The following FBXL6 variants were observed in gnomAD, a reference collection of about 807,000 sequenced individuals.
The protein encoded by FBXL6 is F-box/LRR-repeat protein 6.
FBXL6 carries 50 observed loss-of-function variants against 53.3 expected under a neutral mutation model. The ratio of observed to expected loss-of-function variants is 0.94; its 90% CI spans 0.75 to 1.19. The LOEUF is 1.19. FBXL6 is among the 50% of genes most tolerant of loss of function. The pLI is 0.00. For missense variants in FBXL6, 815 were observed against 719.0 expected (o/e 1.13, Z -1.53); for synonymous variants, 405 against 322.9 (o/e 1.25, Z -2.73).
rs782173457 is a variant in FBXL6, at chr8:144,357,020, C to G, written c.741G>C (p.Gln247His). 2.5e-6 allele frequency: 4 copies of G among 1,613,026 alleles called. No homozygotes were observed. In the Admixed American group the frequency reaches 6.7e-5, roughly 27 times the overall value. The change falls in exon 4 of 9, where the codon CAG (glutamine) becomes CAC (histidine). Residue 247 changes from glutamine to histidine, a missense_variant. Gln to His is a conservative substitution (Grantham distance 24). Transcript: ENST00000331890. ...ALVMLAKACCQLHSLDLQHSM... is the reference protein window; with the variant it reads ...ALVMLAKACCHLHSLDLQHSM... The stretch of plus-strand genomic sequence containing the variant: ...AGTGCTGTAGGTCCAGGCTATGGAG[C>G]TGGCAGCAGGCTTTGGCTAGCATGA...
Position 144,355,654 on chromosome 8 carries a change from G to GC in FBXL6, c.1496dup (p.Leu500ProfsTer74), listed in dbSNP as rs782075279. 2 of 1,610,902 alleles carry GC rather than the reference G, an allele frequency of 1.2e-6. No homozygotes were observed. The highest frequency in any genetic ancestry group is 4.5e-5 in the East Asian group (2 of 44,874). ...AGGACTCCAGGTTGAGGTAGAGCAG[G>GC]CCCGGGCAGCCGCTGATCACAGAGC... On this transcript the variant is annotated frameshift_variant, in exon 9 of 9. Coordinates refer to ENST00000331890, the MANE Select transcript of FBXL6 (RefSeq NM_012162.4). LOFTEE classifies it high-confidence loss of function.
Position 144,356,486 on chromosome 8 carries a change from G to T in FBXL6, c.1039C>A (p.Arg347=), listed in dbSNP as rs782195022. The change falls in exon 7 of 9, where the codon CGA becomes AGA. Residue 347 remains arginine, a synonymous_variant. Transcript: ENST00000331890. ...NLMWLPKPPG[R]GVAPGPGFPS... is the part of the protein sequence containing the mutation. ...AAGCCTGGTCCGGGAGCCACCCCTC[G>T]TCCCGGAGGCTTGGGCAGCCACATC... 1 of 1,612,920 alleles carries T rather than the reference G, an allele frequency of 6.2e-7. No individual in the cohort carries two copies. The highest frequency in any genetic ancestry group is 8.5e-7 in the Non-Finnish European group (1 of 1,180,016).
intron 6 of FBXL6, 27 bp from the exon 7 acceptor site, chr8:144,356,558 G>A (rs782044521): frequency 6.2e-7 from 1 of 1,612,546 alleles, no homozygotes; most frequent in Non-Finnish European, 8.5e-7. Context: ...GGCTGTAGAT[G>A]GGGGAGGGTG....
At position 144,357,094 on chromosome 8, in the gene FBXL6, T is replaced by G; in HGVS notation, c.667A>C (p.Thr223Pro). ...KLVGECCPRL[T>P]FLKLSGCHGV... The stretch of plus-strand genomic sequence containing the variant: ...TGGCAGCCGGAGAGCTTGAGGAAAG[T>G]GAGCCGAGGACAGCACTCACCTACC... The change falls in exon 4 of 9, where the codon ACT becomes CCT. Residue 223 changes from threonine to proline, a missense_variant. Thr to Pro is a conservative substitution (Grantham distance 38). Transcript: ENST00000331890. The G allele has an allele frequency of 1.2e-6, 2 of 1,612,798 alleles. No individual in the cohort carries two copies. Among genetic ancestry groups the G allele is most frequent in the South Asian group, 2.2e-5 (2 of 91,084 alleles).
At position 144,355,543 on chromosome 8, in the gene FBXL6, G is replaced by T. The variant is rs151061162; in HGVS notation, c.1608C>A (p.Pro536=). The T allele has an allele frequency of 4.2e-5, 67 of 1,609,640 alleles. No homozygotes were observed. In the African/African-American group the frequency reaches 8.4e-4, roughly 20 times the overall value. Residue 536 remains proline (P), a synonymous_variant, in exon 9 of 9, where the codon CCC becomes CCA. Transcript: ENST00000331890. ...QWCLEQLLTS[P]SPS ...GGTCTGTGGCTGCCTAGCTGGGTGA[G>T]GGGCTGGTGAGCAGCTGCTCCAGAC... is the stretch of plus-strand genomic sequence containing the variant.
rs1564650729 is a variant in FBXL6, at chr8:144,357,673, G to A, written c.530C>T (p.Ala177Val). 6.2e-7 allele frequency: 1 copy of A among 1,610,966 alleles called. No homozygotes were observed. Among genetic ancestry groups the A allele is most frequent in the Non-Finnish European group, 8.5e-7 (1 of 1,178,818 alleles). Residue 177 changes from alanine to valine, a missense_variant, in exon 2 of 9, where the codon GCG (alanine) becomes GTG (valine). By Grantham distance (64) the Ala-to-Val change is moderately conservative. Transcript: ENST00000331890. ...CAGGGAAGCAAGGAGCTTCTTCTCC[G>A]CCTTGACCCCGCCCTTGGCAGGCCG... ...VGRPAKGGVK[A>V]EKKLLASLEW...
chr8:144,357,894 G>C, intron 1 of FBXL6, 108 bp from the exon 2 acceptor site: 1 of 1,438,074 alleles, frequency 7.0e-7, no homozygotes, highest in Middle Eastern at 2.3e-4. Context: ...ACTCCAACTG[G>C]GCGCCTAAGG....
At chr8:144,357,172 C>A (rs368173186) in intron 3 of FBXL6, 51 bp from the exon 4 acceptor site, 1 of 1,608,484 alleles carries the variant, frequency 6.2e-7, no homozygotes, top group Non-Finnish European at 8.5e-7. Flanking sequence ...AGGCTAAGAT[C>A]CACAAGGGAA....
At chr8:144,356,566 G>T (rs1300451820) in intron 6 of FBXL6, 34 bp downstream of exon 6, 1 of 1,612,386 alleles carries the variant, frequency 6.2e-7, no homozygotes, top group Non-Finnish European at 8.5e-7. Flanking sequence ...ATGGGGGAGG[G>T]TGTGACAGGT....
rs1818480972 is a variant in FBXL6, at chr8:144,357,021, T to C, written c.740A>G (p.Gln247Arg). ...ALVMLAKACC[Q>R]LHSLDLQHSM... is the part of the protein sequence containing the mutation. The stretch of plus-strand genomic sequence containing the variant: ...GTGCTGTAGGTCCAGGCTATGGAGC[T>C]GGCAGCAGGCTTTGGCTAGCATGAC... The change falls in exon 4 of 9, where the codon CAG (glutamine) becomes CGG (arginine). Residue 247 changes from glutamine (Q) to arginine (R), a missense_variant. Gln to Arg is a conservative substitution (Grantham distance 43). Coordinates refer to ENST00000331890, the MANE Select transcript of FBXL6 (RefSeq NM_012162.4). 1 of 1,612,998 alleles carries C rather than the reference T, an allele frequency of 6.2e-7. No homozygotes were observed. The highest frequency in any genetic ancestry group is 1.3e-5 in the African/African-American group (1 of 75,048).
At position 144,355,611 on chromosome 8, in the gene FBXL6, C is replaced by A; in HGVS notation, c.1540G>T (p.Gly514Cys). Reference sequence around the variant, plus strand: ...AGGCCCCGGTAGGCCCGCTTCAGACCCCGGGGAAGGCAGCGGCAGGACTCC... The same window carrying A: ...AGGCCCCGGTAGGCCCGCTTCAGACACCGGGGAAGGCAGCGGCAGGACTCC... ...NLESCRCLPR[G>C]LKRAYRGLEE... The change falls in exon 9 of 9, where the codon GGT (glycine) becomes TGT (cysteine). Residue 514 changes from glycine to cysteine, a missense_variant. By Grantham distance (159) the Gly-to-Cys change is radical. Transcript: ENST00000331890. The A allele has an allele frequency of 1.2e-6, 2 of 1,611,312 alleles. No individual in the cohort carries two copies. Among genetic ancestry groups the A allele is most frequent in the South Asian group, 2.2e-5 (2 of 91,012 alleles).
Position 144,358,379 on chromosome 8 carries a change from C to T in FBXL6, c.69G>A (p.Glu23=), listed in dbSNP as rs782098443. The part of the protein sequence containing the change: ...ARAAPRPRSA[E]DWWWDRLAPR... Reference sequence around the variant, plus strand: ...GCGCCAGCCGGTCCCACCACCAGTCCTCGGCCGAGCGGGGCCGCGGCGCTG... The same window carrying T: ...GCGCCAGCCGGTCCCACCACCAGTCTTCGGCCGAGCGGGGCCGCGGCGCTG... Residue 23 remains glutamate (E), a synonymous_variant, in exon 1 of 9, where the codon GAG becomes GAA. Transcript: ENST00000331890. 12 of 1,263,886 alleles carry T rather than the reference C, an allele frequency of 9.5e-6. No homozygotes were observed. The highest frequency in any genetic ancestry group is 1.2e-5 in the Non-Finnish European group (12 of 1,005,742). The allele number at this position is 1,263,886 out of a possible 1,614,324, so 78.3% of individuals were successfully genotyped here.
chr8:144,355,692 A>G lies in FBXL6; in HGVS notation c.1473-14T>C. On this transcript the variant is annotated splice_polypyrimidine_tract_variant and intron_variant, in intron 8 of 8. Transcript: ENST00000331890. ...CTGATCACAGAGCTGTGGGGAGGGC[A>G]GACCACAGGAAGTTGAGCTGTTGCC... 7 of 1,609,858 alleles carry G rather than the reference A, an allele frequency of 4.3e-6. No individual in the cohort carries two copies. In the South Asian group the frequency reaches 6.6e-5, roughly 15 times the overall value.
Position 144,357,794 on chromosome 8 carries a change from G to C in FBXL6, c.417-8C>G. 1.3e-6 allele frequency: 2 copies of C among 1,543,182 alleles called. No homozygotes were observed. The highest frequency in any genetic ancestry group is 8.7e-7 in the Non-Finnish European group (1 of 1,148,130). On this transcript the variant is annotated splice_polypyrimidine_tract_variant and splice_region_variant and intron_variant, in intron 1 of 8. Transcript: ENST00000331890. ...CGGCACACGCGCGCAGCCCTGGGAG[G>C]ACAGCGTGCTGAGGGTGCCGGCCCC...
At chr8:144,356,579 G>A (rs782789666) in intron 6 of FBXL6, 21 bp downstream of exon 6, 11 of 1,612,730 alleles carry the variant, frequency 6.8e-6, no homozygotes, top group Non-Finnish European at 9.3e-6. Context: ...TGACAGGTGG[G>A]AGAGGCAGGG....
At chr8:144,356,755 C>T (rs532082480) in intron 5 of FBXL6, 42 bp from the exon 6 acceptor site, 1 of 1,611,134 alleles carries the variant, frequency 6.2e-7, no homozygotes, top group African/African-American at 1.3e-5. Context: ...GGGTCAGTGG[C>T]CTGGCAGTCC....
rs1554852804 is a variant in FBXL6, at chr8:144,356,459, G to A, written c.1066C>T (p.Pro356Ser). 1.2e-6 allele frequency: 2 copies of A among 1,613,010 alleles called. No homozygotes were observed. The change falls in exon 7 of 9, where the codon CCT becomes TCT. Residue 356 changes from proline to serine, a missense_variant. By Grantham distance (74) the Pro-to-Ser change is moderately conservative. Coordinates refer to ENST00000331890, the MANE Select transcript of FBXL6 (RefSeq NM_012162.4). Reference sequence around the variant, plus strand: ...GCCAGGCAGAGCTCCTCTAGGCTAGGGAAGCCTGGTCCGGGAGCCACCCCT... The same window carrying A: ...GCCAGGCAGAGCTCCTCTAGGCTAGAGAAGCCTGGTCCGGGAGCCACCCCT... ...GRGVAPGPGF[P>S]SLEELCLASS...
At position 144,358,249 on chromosome 8, in the gene FBXL6, T is replaced by C. The variant is rs1586547582; in HGVS notation, c.199A>G (p.Thr67Ala). 3 of 1,213,560 alleles carry C rather than the reference T, an allele frequency of 2.5e-6. No homozygotes were observed. The highest frequency in any genetic ancestry group is 6.6e-5 in the East Asian group (2 of 30,394). 75.2% of individuals were successfully genotyped at this position (1,213,560 alleles called of 1,614,324 possible). ...PRAQRRASRR[T>A]PRQPPRGPSA... is the part of the protein sequence containing the mutation. ...GGGCCCCGGGGCGGCTGCCGGGGAG[T>C]GCGGCGGGAAGCGCGCCGCTGTGCG... is the stretch of plus-strand genomic sequence containing the variant. Residue 67 changes from threonine (T) to alanine (A), a missense_variant, in exon 1 of 9, where the codon ACT (threonine) becomes GCT (alanine). Coordinates refer to ENST00000331890, the MANE Select transcript of FBXL6 (RefSeq NM_012162.4).
chr8:144,357,896 C>T lies in FBXL6; in HGVS notation c.417-110G>A, dbSNP rs533637751. ...CCGGGCTCCTGGGACTCCAACTGGG[C>T]GCCTAAGGGGCTGCGCTCTCGGACT... On this transcript the variant is annotated intron_variant, in intron 1 of 8. Transcript: ENST00000331890. 3,199 of 1,438,518 alleles carry T rather than the reference C, an allele frequency of 2.2e-3. 86 individuals are homozygous for T. In the South Asian group the frequency reaches 0.042, roughly 19 times the overall value. The allele number at this position is 1,438,518 out of a possible 1,614,324, so 89.1% of individuals were successfully genotyped here.
Sources: gnomAD v4.1 joint callset for allele counts on GRCh38, gnomAD v4.1.1 for gene constraint, MANE v1.5 for transcripts, NCBI Gene and HGNC (gene_info 2026-07-23, HGNC 2026-07-21) for gene names.